Variants in CAST observed in about 807,000 individuals in gnomAD.
CAST encodes the protein calpastatin, also known as MIR583 host.
CAST carries 76 observed loss-of-function variants against 119.6 expected under a neutral mutation model. The observed-to-expected ratio is 0.64, with a 90% CI of 0.53 to 0.77. The LOEUF is 0.77. Ranked by LOEUF, CAST falls within the 30% of genes least tolerant of loss-of-function variation. CAST has a pLI of 0.00. For synonymous variants in CAST, 319 were observed against 331.6 expected, an observed-to-expected ratio of 0.96 and a Z score of 0.41; for missense variants, 953 against 946.5, an observed-to-expected ratio of 1.01 and a Z score of -0.09.
At chr5:96,441,551 G>C in the CAST span, among the ~76,000 whole-genome samples, 1 of 152,110 alleles carries the variant, frequency 6.6e-6, no homozygotes, top group South Asian at 2.1e-4. Flanking sequence ...TGGAGAATCA[G>C]TAGCGATGGG....
chr5:96,556,299 G>A (rs1746238211), intron 1 of CAST, among the ~76,000 whole-genome samples: 1 of 152,196 alleles, frequency 6.6e-6, no homozygotes, highest in Non-Finnish European at 1.5e-5. Flanking sequence ...AAAAAGCAGA[G>A]CGCCTCTCCT....
chr5:96,323,787 T>C, the CAST span, among the ~76,000 whole-genome samples: 10 of 152,196 alleles, frequency 6.6e-5, no homozygotes, highest in Non-Finnish European at 7.3e-5. Context: ...TCATCTCATT[T>C]TATAAATGAA....
the CAST span, among the ~76,000 whole-genome samples, chr5:96,131,625 C>G: frequency 6.6e-6 from 1 of 152,078 alleles, no homozygotes; most frequent in South Asian, 2.1e-4. Flanking sequence ...TCACCGTAAC[C>G]TACTTTTTAC....
chr5:96,263,767 A>G, the CAST span, among the ~76,000 whole-genome samples: 1 of 152,210 alleles, frequency 6.6e-6, no homozygotes, highest in African/African-American at 2.4e-5. Context: ...ACAGTTCCAC[A>G]TGGCTGGGGA....
At chr5:96,350,574 T>C in the CAST span, among the ~76,000 whole-genome samples, 3 of 152,022 alleles carry the variant, frequency 2.0e-5, no homozygotes, top group South Asian at 2.1e-4. Context: ...CATATGTAGC[T>C]TTTTTTTCTT....
In CAST at chr5:96,662,920, C is replaced by T. The variant is rs574248044; in HGVS notation, c.75+423C>T. 491 of 589,832 alleles carry T rather than the reference C, an allele frequency of 8.3e-4. 1 individual carries two copies. The highest frequency in any genetic ancestry group is 7.0e-3 in the African/African-American group (360 of 51,310). The allele number at this position is 589,832 out of a possible 1,614,324, so 36.5% of individuals were successfully genotyped here. A position where few individuals can be genotyped will look rare whatever the true frequency, so the allele number is the denominator to read the frequency against. On this transcript the variant is annotated intron_variant, in intron 1 of 31. Coordinates refer to ENST00000675179, the MANE Select transcript of CAST (RefSeq NM_001750.7). ...TGGAGACGCAGAGCCTCTTCCCTAA[C>T]CAGCCTCGAGCCAAATTGGGCGGGC...
chr5:96,360,229 T>A, the CAST span, among the ~76,000 whole-genome samples: 4 of 152,016 alleles, frequency 2.6e-5, no homozygotes, highest in Non-Finnish European at 5.9e-5. Flanking sequence ...TAGTTAGAAA[T>A]TCCTCTAACA....
chr5:95,995,950 C>T, the CAST span, among the ~76,000 whole-genome samples: 2 of 152,108 alleles, frequency 1.3e-5, no homozygotes, highest in South Asian at 4.1e-4. Flanking sequence ...ATCGTAGTAA[C>T]TCGAATAGTC....
chr5:96,014,086 A>G, the CAST span, among the ~76,000 whole-genome samples: 1 of 151,726 alleles, frequency 6.6e-6, no homozygotes, highest in African/African-American at 2.4e-5. Flanking sequence ...CAAATATATT[A>G]TACAGCTGTA....
chr5:96,195,909 G>T, the CAST span, among the ~76,000 whole-genome samples: 3 of 151,926 alleles, frequency 2.0e-5, no homozygotes, highest in Admixed American at 2.0e-4. Context: ...ATTTTTATTG[G>T]GTCCTTTGTT....
At chr5:96,228,117 G>A in the CAST span, among the ~76,000 whole-genome samples, 6 of 152,008 alleles carry the variant, frequency 3.9e-5, no homozygotes, top group East Asian at 5.8e-4. Flanking sequence ...AGAGCTTAGC[G>A]GCCATCTTGG....
At chr5:96,252,179 CA>C in the CAST span, among the ~76,000 whole-genome samples, 2 of 151,962 alleles carry the variant, frequency 1.3e-5, no homozygotes, top group Non-Finnish European at 2.9e-5. Flanking sequence ...AAATATGATC[CA>C]AAATACAATT....
the CAST span, among the ~76,000 whole-genome samples, chr5:96,205,239 A>G: frequency 6.6e-6 from 1 of 151,958 alleles, no homozygotes; most frequent in South Asian, 2.1e-4. Context: ...CAGAGCAAAC[A>G]TTTTCATTTT....
intron 1 of CAST, among the ~76,000 whole-genome samples, chr5:96,571,957 G>A (rs970934385): frequency 6.6e-6 from 1 of 152,118 alleles, no homozygotes; most frequent in South Asian, 2.1e-4. Flanking sequence ...TAAATAAATT[G>A]TCCAATGAAA....
the CAST span, among the ~76,000 whole-genome samples, chr5:96,367,340 C>G: frequency 1.3e-5 from 2 of 152,142 alleles, no homozygotes; most frequent in Non-Finnish European, 2.9e-5. Flanking sequence ...AACCACTACT[C>G]TCTTCAAAGC....
At chr5:96,419,917 C>T in the CAST span, among the ~76,000 whole-genome samples, 10 of 152,164 alleles carry the variant, frequency 6.6e-5, no homozygotes, top group Admixed American at 3.3e-4. Context: ...ATCAAGAATT[C>T]GCCCACTATG....
Position 96,774,546 on chromosome 5 carries a change from G to GTATC in CAST, c.*1932_*1935dup, listed in dbSNP as rs1322243173. ...TTCTGCACATTGTTGTGGCAATATTGTATCTGTTTAGAAAATGGGCTTTTC... is the reference window on the plus strand; with the variant it reads ...TTCTGCACATTGTTGTGGCAATATTGTATCTATCTGTTTAGAAAATGGGCTTTTC... On this transcript the variant is annotated 3_prime_UTR_variant, in exon 32 of 32. Coordinates refer to ENST00000675179, the MANE Select transcript of CAST (RefSeq NM_001750.7). The GTATC allele has an allele frequency of 7.1e-6, 7 of 985,754 alleles. No homozygotes were observed. Among genetic ancestry groups the GTATC allele is most frequent in the Admixed American group, 6.2e-5 (1 of 16,256 alleles). 61.1% of individuals were successfully genotyped at this position (985,754 alleles called of 1,614,324 possible).
chr5:96,749,455 T>G (rs573775686), intron 19 of CAST, among the ~76,000 whole-genome samples: 68 of 152,372 alleles, frequency 4.5e-4, no homozygotes, highest in South Asian at 3.3e-3. Context: ...GACCATCTGC[T>G]GAGCACCTTG....
At chr5:96,467,055 GT>G in the CAST span, among the ~76,000 whole-genome samples, 2 of 152,046 alleles carry the variant, frequency 1.3e-5, no homozygotes, top group Non-Finnish European at 2.9e-5. Context: ...TATTCTCAAT[GT>G]TTTAATATTT....
Sources: gnomAD v4.1 joint callset for allele counts (sites outside exome capture counted in the v4.1 genomes callset) on GRCh38, gnomAD v4.1.1 for gene constraint, MANE v1.5 for transcripts, NCBI Gene and HGNC (gene_info 2026-07-23, HGNC 2026-07-21) for gene names.